LDLRAD3: variants seen among roughly 807,000 people sequenced by gnomAD.
LDLRAD3 encodes the protein low density lipoprotein receptor class A domain containing 3.
Under a neutral mutation model 29.4 loss-of-function variants are expected in LDLRAD3, and 20 were observed. The ratio of observed to expected loss-of-function variants is 0.68; its 90% CI spans 0.48 to 0.99. LDLRAD3 has a LOEUF of 0.99. LDLRAD3 is among the 50% of genes least tolerant of loss of function. LDLRAD3 has a pLI of 0.00. For synonymous variants in LDLRAD3, 157 were observed against 192.7 expected, an observed-to-expected ratio of 0.81 and a Z score of 1.53; for missense variants, 420 against 454.3, an observed-to-expected ratio of 0.92 and a Z score of 0.69.
intron 3 of LDLRAD3, among the ~76,000 whole-genome samples, chr11:36,094,147 A>G (rs1045142883): frequency 1.3e-5 from 2 of 152,184 alleles, no homozygotes; most frequent in Non-Finnish European, 2.9e-5. Context: ...CTGTCTGCCC[A>G]GGCATTTGTC....
At chr11:36,029,288 C>T (rs745749530) in intron 1 of LDLRAD3, among the ~76,000 whole-genome samples, 9 of 152,094 alleles carry the variant, frequency 5.9e-5, no homozygotes, top group Non-Finnish European at 1.3e-4. Flanking sequence ...TGTTCCACTT[C>T]TGCCATGTGT....
chr11:36,026,360 A>G (rs1246369960), intron 1 of LDLRAD3, among the ~76,000 whole-genome samples: 2 of 152,154 alleles, frequency 1.3e-5, no homozygotes, highest in African/African-American at 4.8e-5. Context: ...GTAGTGTCTC[A>G]CTGAATGTTC....
intron 4 of LDLRAD3, among the ~76,000 whole-genome samples, chr11:36,175,212 G>A (rs1185643635): frequency 6.6e-6 from 1 of 151,882 alleles, no homozygotes; most frequent in Admixed American, 6.6e-5. Flanking sequence ...CTTTTTTTTG[G>A]TTAACCTCAC....
At chr11:36,200,069 A>G (rs1471790733) in intron 4 of LDLRAD3, among the ~76,000 whole-genome samples, 1 of 152,196 alleles carries the variant, frequency 6.6e-6, no homozygotes, top group Non-Finnish European at 1.5e-5. Context: ...TGGGAGTCTG[A>G]GGCAGGAGAA....
intron 1 of LDLRAD3, among the ~76,000 whole-genome samples, chr11:36,000,339 A>G (rs1441715997): frequency 1.3e-5 from 2 of 151,106 alleles, no homozygotes; most frequent in Non-Finnish European, 2.9e-5. Flanking sequence ...CTGTACACAC[A>G]TACACACACA....
chr11:36,212,481 T>G (rs1855295245), intron 4 of LDLRAD3, among the ~76,000 whole-genome samples: 1 of 151,358 alleles, frequency 6.6e-6, no homozygotes, highest in Non-Finnish European at 1.5e-5. Context: ...TGAGTTTTAG[T>G]GGCAATCTGA....
Position 36,006,466 on chromosome 11 carries a change from G to A in LDLRAD3, c.47-29637G>A, listed in dbSNP as rs1851886993. 2.0e-5 allele frequency among the ~76,000 whole-genome samples: 3 copies of A among 152,322 alleles called. No individual in the cohort carries two copies. In the South Asian group the frequency reaches 6.2e-4, roughly 32 times the overall value. On this transcript the variant is annotated intron_variant, in intron 1 of 5. Transcript: ENST00000315571. ...CTGTGTGCCAGGCATATACGAAGTA[G>A]GAGTTACTGAATGGATGTGTGATGG...
chr11:36,089,787 T>A (rs1157565403), intron 3 of LDLRAD3, among the ~76,000 whole-genome samples: 1 of 151,718 alleles, frequency 6.6e-6, no homozygotes. Context: ...TTTTTTTTTT[T>A]TTTTTGTAGA....
intron 1 of LDLRAD3, among the ~76,000 whole-genome samples, chr11:36,022,265 C>A (rs997421634): frequency 1.3e-5 from 2 of 152,048 alleles, no homozygotes; most frequent in African/African-American, 4.8e-5. Flanking sequence ...TATGAAATGA[C>A]GTGTTATGTA....
intron 4 of LDLRAD3, among the ~76,000 whole-genome samples, chr11:36,122,304 C>T (rs1853771254): frequency 6.6e-6 from 1 of 152,008 alleles, no homozygotes; most frequent in Non-Finnish European, 1.5e-5. Flanking sequence ...ACAGAGTGGT[C>T]AAGGATTTGG....
rs1590198503 is a variant in LDLRAD3 at position 36,001,328 on chromosome 11, A to G, written c.47-34775A>G. 2.0e-5 allele frequency: 3 copies of G among 152,302 alleles called. 1 individual carries two copies. In the Middle Eastern group the frequency reaches 0.01, roughly 518 times the overall value. 9.4% of individuals were successfully genotyped at this position (152,302 alleles called of 1,614,324 possible). ...TAACTCGTCATTTAACATTAGGTAT[A>G]TCTCCTAATGCTATCCCTCCCCGCT... On this transcript the variant is annotated intron_variant, in intron 1 of 5. Coordinates refer to ENST00000315571, the MANE Select transcript of LDLRAD3 (RefSeq NM_174902.4).
rs11033399 is a variant in LDLRAD3, at chr11:36,070,409, G to A, written c.194-11244G>A. On this transcript the variant is annotated intron_variant, in intron 2 of 5. Transcript: ENST00000315571. ...TCTTGCACACAAATGGGGAAGAAGA[G>A]AGCAGTGTTGAAATGGGGAAAGATC... 6.2e-3 allele frequency among the ~76,000 whole-genome samples: 939 copies of A among 152,276 alleles called. 9 individuals carry two copies. The highest frequency in any genetic ancestry group is 0.021 in the African/African-American group (889 of 41,548).
In LDLRAD3 at chr11:35,944,118, T is replaced by C. The variant is rs988221435; in HGVS notation, c.20T>C (p.Leu7Pro). The stretch of plus-strand genomic sequence containing the variant: ...CGCGCCATGTGGCTGCTGGGGCCGC[T>C]GTGCCTGCTGCTGAGCAGCGCCGCG... MWLLGP[L>P]CLLLSSAAES... Residue 7 changes from leucine (L) to proline (P), a missense_variant, in exon 1 of 6, where the codon CTG becomes CCG. By Grantham distance (98) the Leu-to-Pro change is moderately conservative. Transcript: ENST00000315571. This position sits in a 1 kb window ranked among gnomAD's most constrained non-coding sequence, Gnocchi z 4.9. The C allele has an allele frequency of 3.8e-6, 4 of 1,062,768 alleles. No homozygotes were observed. The highest frequency in any genetic ancestry group is 3.4e-5 in the African/African-American group (2 of 58,764). 65.8% of individuals were successfully genotyped at this position (1,062,768 alleles called of 1,614,324 possible).
chr11:35,991,860 T>C (rs1565147625), intron 1 of LDLRAD3, among the ~76,000 whole-genome samples: 2 of 117,080 alleles, frequency 1.7e-5, no homozygotes, highest in South Asian at 6.5e-4. Flanking sequence ...ATAAATTGAA[T>C]GGTTGTTTGT....
intron 1 of LDLRAD3, among the ~76,000 whole-genome samples, chr11:36,026,120 T>G (rs1852163968): frequency 6.6e-6 from 1 of 152,166 alleles, no homozygotes; most frequent in Admixed American, 6.5e-5. Context: ...TTAAAAAATC[T>G]GTATGTACCC....
At chr11:36,209,751 G>A (rs1425330364) in intron 4 of LDLRAD3, among the ~76,000 whole-genome samples, 1 of 152,198 alleles carries the variant, frequency 6.6e-6, no homozygotes, top group Admixed American at 6.5e-5. Flanking sequence ...CATATAGAAA[G>A]TGCTGTATAG....
intron 4 of LDLRAD3, among the ~76,000 whole-genome samples, chr11:36,161,030 G>T (rs539297057): frequency 5.5e-4 from 83 of 152,258 alleles, no homozygotes; most frequent in African/African-American, 1.7e-3. Flanking sequence ...CCTGACCTCA[G>T]GTGATCTGCC....
intron 1 of LDLRAD3, among the ~76,000 whole-genome samples, chr11:36,024,082 C>T (rs1590211876): frequency 6.6e-6 from 1 of 152,044 alleles, no homozygotes; most frequent in Non-Finnish European, 1.5e-5. Flanking sequence ...GCTAACCAGC[C>T]CAGATTCCAG....
chr11:36,005,395 G>A (rs7107284), intron 1 of LDLRAD3, among the ~76,000 whole-genome samples: 18,663 of 152,192 alleles, frequency 0.12, 1,959 homozygotes, highest in African/African-American at 0.27. Context: ...CAGTCTCTTT[G>A]CTAAAGCATA....
Sources: allele counts gnomAD v4.1 joint callset (sites outside exome capture counted in the v4.1 genomes callset), GRCh38; gene constraint gnomAD v4.1.1; non-coding constraint Gnocchi (gnomAD v3.1); transcripts MANE v1.5; gene names NCBI Gene and HGNC (gene_info 2026-07-23, HGNC 2026-07-21).